The following WFDC2 variants were observed in gnomAD, a reference collection of about 807,000 sequenced individuals.
The protein encoded by WFDC2 is WAP four-disulfide core domain 2.
In WFDC2, 8 loss-of-function variants were observed where a neutral mutation model predicts 12.5. The observed-to-expected ratio is 0.64, with a 90% confidence interval of 0.37 to 1.15. The LOEUF (loss-of-function observed/expected upper bound fraction) is 1.15, where lower values mean the gene tolerates loss of function less well. Among genes scored for constraint, WFDC2 ranks in the 50% most tolerant of loss-of-function variants. The pLI is 0.01. For synonymous variants in WFDC2, 74 were observed against 67.2 expected, an observed-to-expected ratio of 1.10 and a Z score of -0.49; for missense variants, 166 against 159.9, an observed-to-expected ratio of 1.04 and a Z score of -0.21.
chr20:45,480,829 G>A (rs1320963225), intron 3 of WFDC2, among the ~76,000 whole-genome samples: 2 of 152,112 alleles, frequency 1.3e-5, no homozygotes, highest in African/African-American at 4.8e-5. Flanking sequence ...ACTAAGCTAT[G>A]GTCTCCCTGG....
At chr20:45,474,969 G>C (rs559774409) in intron 2 of WFDC2, among the ~76,000 whole-genome samples, 1 of 152,284 alleles carries the variant, frequency 6.6e-6, no homozygotes, top group East Asian at 1.9e-4. Context: ...TTTGCGTAGA[G>C]GTGTTTATAG....
Position 45,470,241 on chromosome 20 carries a change from T to TG in WFDC2, c.80-146dup, listed in dbSNP as rs1184900299. ...TCCCAGGGGTCAGGGACTCCTGGTCTGGAAGAAGGAGTCTCTGGGGGCTGT... is the reference window on the plus strand; with the variant it reads ...TCCCAGGGGTCAGGGACTCCTGGTCTGGGAAGAAGGAGTCTCTGGGGGCTGT... On this transcript the variant is annotated intron_variant, in intron 1 of 3. Coordinates refer to ENST00000372676, the MANE Select transcript of WFDC2 (RefSeq NM_006103.4). This position sits in a 1 kb window ranked among gnomAD's most constrained non-coding sequence, Gnocchi z 5.4. 4 of 1,184,400 alleles carry TG rather than the reference T, an allele frequency of 3.4e-6. No individual in the cohort carries two copies. In the East Asian group the frequency reaches 1.0e-4, roughly 31 times the overall value. 73.4% of individuals were successfully genotyped at this position (1,184,400 alleles called of 1,614,324 possible). A position where few individuals can be genotyped will look rare whatever the true frequency, so the allele number is the denominator to read the frequency against.
At chr20:45,479,568 A>G in intron 2 of WFDC2, 1 of 1,093,024 alleles carries the variant, frequency 9.1e-7, no homozygotes, top group South Asian at 1.3e-5. Flanking sequence ...ACTACAGAGT[A>G]GTTTGATATT....
chr20:45,479,572 T>C, intron 2 of WFDC2: 1 of 1,182,392 alleles, frequency 8.5e-7, no homozygotes, highest in East Asian at 2.3e-5. Flanking sequence ...CAGAGTAGTT[T>C]GATATTTCAG....
At chr20:45,479,560 TA>T (rs2145507104) in intron 2 of WFDC2, 3 of 1,066,394 alleles carry the variant, frequency 2.8e-6, no homozygotes, top group Non-Finnish European at 1.5e-6. Context: ...TTCTCATAAC[TA>T]CAGAGTAGTT....
At chr20:45,480,142 G>A in intron 3 of WFDC2, 48 bp downstream of exon 3, 4 of 1,605,688 alleles carry the variant, frequency 2.5e-6, no homozygotes, top group Non-Finnish European at 3.4e-6. Flanking sequence ...GGTGTTGTGG[G>A]AAACAGGAGA....
intron 2 of WFDC2, among the ~76,000 whole-genome samples, chr20:45,473,063 T>C (rs1409595142): frequency 1.3e-5 from 2 of 152,232 alleles, no homozygotes; most frequent in Admixed American, 6.5e-5. Flanking sequence ...TTTGAGTTCT[T>C]GTAGATTCTG....
chr20:45,478,281 C>G (rs1273677884), intron 2 of WFDC2, among the ~76,000 whole-genome samples: 1 of 152,134 alleles, frequency 6.6e-6, no homozygotes, highest in Non-Finnish European at 1.5e-5. Context: ...AACCCAGGGC[C>G]CTGGTGGTGT....
chr20:45,475,869 T>G (rs1037992749), intron 2 of WFDC2, among the ~76,000 whole-genome samples: 14 of 152,346 alleles, frequency 9.2e-5, no homozygotes, highest in Non-Finnish European at 1.3e-4. Context: ...CTGTATTAGG[T>G]GCATATATAT....
At chr20:45,471,582 G>A (rs1327041951) in intron 2 of WFDC2, among the ~76,000 whole-genome samples, 2 of 152,182 alleles carry the variant, frequency 1.3e-5, no homozygotes, top group Non-Finnish European at 2.9e-5. Context: ...GCCCACCAAG[G>A]GCAGCTTCAA....
intron 2 of WFDC2, chr20:45,471,414 C>T (rs754268553): frequency 1.0e-5 from 3 of 295,704 alleles, no homozygotes; most frequent in Non-Finnish European, 2.1e-5. Context: ...TGGAGAGAAC[C>T]AAGGTACTGT....
At chr20:45,476,507 C>G (rs1011686179) in intron 2 of WFDC2, among the ~76,000 whole-genome samples, 13 of 152,230 alleles carry the variant, frequency 8.5e-5, no homozygotes, top group African/African-American at 3.1e-4. Flanking sequence ...CCCCCACTGT[C>G]TTCTGGTTTG....
At chr20:45,480,468 A>AT (rs1289388181) in intron 3 of WFDC2, among the ~76,000 whole-genome samples, 1 of 151,266 alleles carries the variant, frequency 6.6e-6, no homozygotes, top group East Asian at 1.9e-4. Context: ...AAAAAAAAAA[A>AT]ATTTAATGGG....
Position 45,470,406 on chromosome 20 carries a change from A to C in WFDC2, c.97A>C (p.Thr33Pro), listed in dbSNP as rs1166624056. Reference sequence around the variant, plus strand: ...CCTCCCAGGCACAGGAGCAGAGAAGACTGGCGTGTGCCCCGAGCTCCAGGC... The same window carrying C: ...CCTCCCAGGCACAGGAGCAGAGAAGCCTGGCGTGTGCCCCGAGCTCCAGGC... The part of the protein sequence containing the change: ...TLVSGTGAEK[T>P]GVCPELQADQ... Residue 33 changes from threonine (T) to proline (P), a missense_variant, in exon 2 of 4, where the codon ACT (threonine) becomes CCT (proline). Thr to Pro is a conservative substitution (Grantham distance 38). Transcript: ENST00000372676. The surrounding 1 kb of genome is among the most constrained non-coding windows in gnomAD (Gnocchi z 5.4). 2 of 1,589,774 alleles carry C rather than the reference A, an allele frequency of 1.3e-6. No individual in the cohort carries two copies. Among genetic ancestry groups the C allele is most frequent in the South Asian group, 2.3e-5 (2 of 87,552 alleles).
Position 45,479,927 on chromosome 20 carries a change from C to A in WFDC2, c.224-15C>A, listed in dbSNP as rs1991280104. On this transcript the variant is annotated splice_polypyrimidine_tract_variant and intron_variant, in intron 2 of 3. Transcript: ENST00000372676. Reference sequence around the variant, plus strand: ...TCGCCTCTGCCCACTTACCCTTACTCCTTTTTCTACCCAGATAAGGAGGGT... The same window carrying A: ...TCGCCTCTGCCCACTTACCCTTACTACTTTTTCTACCCAGATAAGGAGGGT... The A allele has an allele frequency of 6.2e-7, 1 of 1,613,958 alleles. No individual in the cohort carries two copies. The highest frequency in any genetic ancestry group is 8.5e-7 in the Non-Finnish European group (1 of 1,180,058).
intron 3 of WFDC2, among the ~76,000 whole-genome samples, chr20:45,481,020 G>T (rs1439598955): frequency 6.6e-6 from 1 of 152,172 alleles, no homozygotes; most frequent in Non-Finnish European, 1.5e-5. Context: ...ACCTAAAGAA[G>T]AAGGCATGGC....
At chr20:45,471,354 T>C in intron 2 of WFDC2, 1 of 337,118 alleles carries the variant, frequency 3.0e-6, no homozygotes, top group Non-Finnish European at 6.1e-6. Flanking sequence ...GAATCTCAGC[T>C]TTCCGTTCTC....
intron 3 of WFDC2, 146 bp downstream of exon 3, chr20:45,480,240 A>G (rs1313817287): frequency 3.2e-5 from 38 of 1,193,980 alleles, no homozygotes; most frequent in Non-Finnish European, 4.4e-5. Flanking sequence ...AGCCTGTTCT[A>G]AAAGAAGAGT....
chr20:45,480,254 A>C (rs28628698), intron 3 of WFDC2, among the ~76,000 whole-genome samples, 160 bp downstream of exon 3: 20,786 of 151,960 alleles, frequency 0.14, 1,969 homozygotes, highest in African/African-American at 0.26. Context: ...GAAGAGTGAA[A>C]GGTGGGTAGT....
Sources: allele counts gnomAD v4.1 joint callset (sites outside exome capture counted in the v4.1 genomes callset), GRCh38; gene constraint gnomAD v4.1.1; non-coding constraint Gnocchi (gnomAD v3.1); transcripts MANE v1.5; gene names NCBI Gene and HGNC (gene_info 2026-07-23, HGNC 2026-07-21).